Variants in AOPEP observed in about 807,000 individuals in gnomAD.
The protein encoded by AOPEP is aminopeptidase O (putative).
In AOPEP, 77 loss-of-function variants were observed where a neutral mutation model predicts 98.1. That is an observed-to-expected ratio of 0.78 (90% CI 0.65 to 0.95). AOPEP has a LOEUF of 0.95. Ranked by LOEUF, AOPEP falls within the 40% of genes least tolerant of loss-of-function variation. The pLI is 0.00. For synonymous variants in AOPEP, 346 were observed against 365.3 expected, an observed-to-expected ratio of 0.95 and a Z score of 0.60; for missense variants, 1,024 against 1,024.7, an observed-to-expected ratio of 1.00 and a Z score of 0.01.
chr9:94,782,742 A>G (rs1299697976), intron 3 of AOPEP, among the ~76,000 whole-genome samples: 4 of 152,222 alleles, frequency 2.6e-5, no homozygotes, highest in Non-Finnish European at 5.9e-5. Flanking sequence ...GTACACATAC[A>G]TTCCTATGTT....
Position 95,075,728 on chromosome 9 carries a change from TA to T in AOPEP, c.2233-4957del, listed in dbSNP as rs58379982. Among the ~76,000 whole-genome samples the T allele has an allele frequency of 3.1e-3, 468 of 151,464 alleles. 2 individuals carry two copies. The highest frequency in any genetic ancestry group is 0.011 in the African/African-American group (451 of 41,264). On this transcript the variant is annotated intron_variant, in intron 14 of 16. Coordinates refer to ENST00000375315, the MANE Select transcript of AOPEP (RefSeq NM_001193329.3). ...AGACCCCATTTCTGCAAAAAGTAAT[TA>T]AAAAAAAATTAGCTGGGTGTGGTGG...
intron 13 of AOPEP, among the ~76,000 whole-genome samples, chr9:95,055,723 T>G (rs2066759271): frequency 6.6e-6 from 1 of 152,186 alleles, no homozygotes; most frequent in Non-Finnish European, 1.5e-5. Flanking sequence ...ATATTTTATG[T>G]CAGTGGGATC....
intron 5 of AOPEP, among the ~76,000 whole-genome samples, chr9:94,846,431 T>C (rs1402946250): frequency 1.3e-5 from 2 of 152,076 alleles, no homozygotes; most frequent in Non-Finnish European, 2.9e-5. Flanking sequence ...TGGAGTGAGT[T>C]GAGAGAAGGT....
chr9:94,979,528 A>C (rs2060049635), intron 11 of AOPEP, 101 bp downstream of exon 11: 4 of 739,218 alleles, frequency 5.4e-6, no homozygotes, highest in Non-Finnish European at 7.2e-6. Flanking sequence ...ATGTGTAGGA[A>C]AGTAATTATC....
intron 16 of AOPEP, chr9:95,086,014 A>T: frequency 7.3e-7 from 1 of 1,366,504 alleles, no homozygotes; most frequent in Non-Finnish European, 9.8e-7. Context: ...TGTCGATTGG[A>T]CCCGCCCTCC....
intron 11 of AOPEP, chr9:95,003,768 A>G (rs2061720644): frequency 6.5e-6 from 1 of 153,500 alleles, no homozygotes; most frequent in Non-Finnish European, 1.5e-5. Flanking sequence ...GCACTTAGCT[A>G]TTATAATAAT....
chr9:95,107,392 G>C, the AOPEP span: 9 of 1,052,292 alleles, frequency 8.6e-6, no homozygotes, highest in African/African-American at 1.6e-5. Context: ...CTGAGAGAGG[G>C]AGCTAGGCAG....
chr9:94,908,361 C>T (rs529346734), intron 5 of AOPEP, among the ~76,000 whole-genome samples: 94 of 152,284 alleles, frequency 6.2e-4, no homozygotes, highest in Non-Finnish European at 1.3e-3. Flanking sequence ...CTCCATCCTC[C>T]CCTTGTTGGC....
intron 5 of AOPEP, among the ~76,000 whole-genome samples, chr9:94,922,273 C>CGA (rs1336780593): frequency 6.6e-6 from 1 of 152,194 alleles, no homozygotes; most frequent in Non-Finnish European, 1.5e-5. Context: ...AGTCTTAGAG[C>CGA]GATTTCGCAG....
chr9:95,099,088 A>AAAT, the AOPEP span: 5 of 194,358 alleles, frequency 2.6e-5, no homozygotes, highest in Admixed American at 6.1e-5. Context: ...TAGAATGAAA[A>AAAT]AATAGACAAC....
chr9:94,761,518 C>T (rs894240068), intron 2 of AOPEP, among the ~76,000 whole-genome samples: 1 of 152,134 alleles, frequency 6.6e-6, no homozygotes, highest in Non-Finnish European at 1.5e-5. Context: ...TCTTTTATAG[C>T]GTTGTATTTC....
chr9:95,083,291 G>A (rs2070066737), intron 16 of AOPEP, among the ~76,000 whole-genome samples: 1 of 147,496 alleles, frequency 6.8e-6, no homozygotes, highest in Non-Finnish European at 1.5e-5. Flanking sequence ...CACACACACT[G>A]CATGCAGCAC....
In AOPEP at chr9:94,930,448, A is replaced by C. The variant is rs2055101889; in HGVS notation, c.1661+1917A>C. On this transcript the variant is annotated intron_variant, in intron 7 of 16. Coordinates refer to ENST00000375315, the MANE Select transcript of AOPEP (RefSeq NM_001193329.3). This position sits in a 1 kb window ranked among gnomAD's most constrained non-coding sequence, Gnocchi z 4.5. ...AGATATTCAATATTATGAACTTTGGAGATTACAATTCAGGAGCTCACTGGA... is the reference window on the plus strand; with the variant it reads ...AGATATTCAATATTATGAACTTTGGCGATTACAATTCAGGAGCTCACTGGA... Among the ~76,000 whole-genome samples the C allele has an allele frequency of 1.3e-5, 2 of 152,126 alleles. No individual in the cohort carries two copies. Among genetic ancestry groups the C allele is most frequent in the Admixed American group, 1.3e-4 (2 of 15,270 alleles).
intron 1 of AOPEP, among the ~76,000 whole-genome samples, chr9:94,728,356 A>G (rs1829758244): frequency 1.3e-5 from 2 of 152,166 alleles, no homozygotes; most frequent in Admixed American, 6.5e-5. Flanking sequence ...GGGAATGGGT[A>G]ATTTTACAGT....
At chr9:95,116,702 G>A in the AOPEP span, among the ~76,000 whole-genome samples, 4 of 152,156 alleles carry the variant, frequency 2.6e-5, no homozygotes, top group Admixed American at 6.5e-5. Flanking sequence ...TCTCCTAAGC[G>A]TGAGCTCACA....
At chr9:95,102,443 G>A in the AOPEP span, among the ~76,000 whole-genome samples, 27 of 152,166 alleles carry the variant, frequency 1.8e-4, no homozygotes, top group Non-Finnish European at 2.6e-4. Flanking sequence ...TAAAAACTTC[G>A]GTTAAGAAAA....
intron 9 of AOPEP, among the ~76,000 whole-genome samples, chr9:94,963,240 C>G (rs1223803926): frequency 6.6e-6 from 1 of 152,142 alleles, no homozygotes; most frequent in Non-Finnish European, 1.5e-5. Flanking sequence ...ACAGAAATTG[C>G]TAGCCCCATG....
At chr9:94,915,077 G>C (rs955318710) in intron 5 of AOPEP, among the ~76,000 whole-genome samples, 7 of 152,280 alleles carry the variant, frequency 4.6e-5, no homozygotes, top group Admixed American at 3.9e-4. Flanking sequence ...GCTTGTGTTT[G>C]AATCTGCTTT....
At position 94,737,152 on chromosome 9, in the gene AOPEP, CAG is replaced by C. The variant is rs1382829886; in HGVS notation, c.-136+10404_-136+10405del. ...CTTTCTTCTTTTTTTTTCTGTTAGACAGAGTCTTGCTTTGCTATCCCAGCTGG... is the reference window on the plus strand; with the variant it reads ...CTTTCTTCTTTTTTTTTCTGTTAGACAGTCTTGCTTTGCTATCCCAGCTGG... On this transcript the variant is annotated intron_variant, in intron 1 of 16. Transcript: ENST00000375315. Among the ~76,000 whole-genome samples the C allele has an allele frequency of 2.6e-5, 4 of 151,358 alleles. No homozygotes were observed. The East Asian group carries it at 7.7e-4, about 29-fold the overall frequency.
Sources: allele counts gnomAD v4.1 joint callset (sites outside exome capture counted in the v4.1 genomes callset), GRCh38; gene constraint gnomAD v4.1.1; non-coding constraint Gnocchi (gnomAD v3.1); transcripts MANE v1.5; gene names NCBI Gene and HGNC (gene_info 2026-07-23, HGNC 2026-07-21).